GLYATL2: variants seen among roughly 807,000 people sequenced by gnomAD.
The protein encoded by GLYATL2 is glycine N-acyltransferase-like protein 2.
A neutral mutation model predicts 21.4 loss-of-function variants in GLYATL2; 25 were observed. That is an observed-to-expected ratio of 1.17 (90% confidence interval 0.85 to 1.63). GLYATL2 has a LOEUF of 1.63. GLYATL2 is among the 40% of genes most tolerant of loss of function. The pLI is 0.00. For missense variants in GLYATL2, 361 were observed against 343.3 expected, an observed-to-expected ratio of 1.05 and a Z score of -0.41; for synonymous variants, 114 against 118.2, an observed-to-expected ratio of 0.96 and a Z score of 0.23.
intron 1 of GLYATL2, among the ~76,000 whole-genome samples, chr11:58,887,954 G>T (rs896330062): frequency 6.6e-6 from 1 of 152,172 alleles, no homozygotes; most frequent in African/African-American, 2.4e-5. Context: ...CATTAGCAAT[G>T]TGTGGAAGAA....
At chr11:58,898,040 CTTA>C (rs1854664370) in intron 1 of GLYATL2, among the ~76,000 whole-genome samples, 1 of 152,186 alleles carries the variant, frequency 6.6e-6, no homozygotes, top group Non-Finnish European at 1.5e-5. Flanking sequence ...ATCAAGTTCT[CTTA>C]TTAACTTAAT....
At chr11:58,870,562 G>C (rs1309474759) in intron 1 of GLYATL2, among the ~76,000 whole-genome samples, 1 of 152,152 alleles carries the variant, frequency 6.6e-6, no homozygotes, top group East Asian at 1.9e-4. Context: ...ATCCAGAAAA[G>C]ACTGCCAAGA....
upstream of GLYATL2, chr11:58,907,674 T>A (rs1854935373): frequency 5.1e-6 from 1 of 196,888 alleles, no homozygotes; most frequent in Non-Finnish European, 1.1e-5. Flanking sequence ...TTTTAAATAC[T>A]TCCTGATTTT....
At chr11:58,869,527 G>A (rs1417236912) in intron 1 of GLYATL2, among the ~76,000 whole-genome samples, 1 of 152,174 alleles carries the variant, frequency 6.6e-6, no homozygotes, top group African/African-American at 2.4e-5. Flanking sequence ...CATGTTTTCA[G>A]ACTGGTGAGA....
At chr11:58,839,796 T>C (rs554473475) in intron 1 of GLYATL2, 144 bp from the exon 2 acceptor site, 4 of 452,394 alleles carry the variant, frequency 8.8e-6, no homozygotes, top group South Asian at 5.4e-5. Flanking sequence ...CTTTTCAGTT[T>C]ACAAATGAGA....
In GLYATL2 at chr11:58,837,372, T is replaced by C. The variant is rs1216752778; in HGVS notation, c.212A>G (p.Tyr71Cys). 3 of 1,613,182 alleles carry C rather than the reference T, an allele frequency of 1.9e-6. 1 individual carries two copies. In the South Asian group the frequency reaches 3.3e-5, roughly 18 times the overall value. Residue 71 changes from tyrosine (Y) to cysteine (C), a missense_variant, in exon 4 of 6, where the codon TAT (tyrosine) becomes TGT (cysteine). Transcript: ENST00000287275. ...GGTGAAGATGTGGTAAGTGTTGGTA[T>C]AATGATCCTGGTCATCTTTCATCTC... ...KQEMKDDQDHYTNTYHIFTKA... is the reference protein window; with the variant it reads ...KQEMKDDQDHCTNTYHIFTKA...
chr11:58,851,738 A>G (rs1411725482), intron 1 of GLYATL2, among the ~76,000 whole-genome samples: 1 of 152,172 alleles, frequency 6.6e-6, no homozygotes, highest in Non-Finnish European at 1.5e-5. Context: ...GGTGGGTGAC[A>G]TGTGGGAAAA....
upstream of GLYATL2, chr11:58,907,217 G>GTCTC: frequency 2.4e-6 from 1 of 408,652 alleles, no homozygotes; most frequent in East Asian, 7.8e-5. Flanking sequence ...TGAGTTTTCT[G>GTCTC]TCTCTCTCTC....
chr11:58,839,966 C>T (rs1318367246), intron 1 of GLYATL2, among the ~76,000 whole-genome samples: 1 of 152,074 alleles, frequency 6.6e-6, no homozygotes, highest in Admixed American at 6.6e-5. Context: ...TTCAGCTGTC[C>T]AGGCACAAAT....
At chr11:58,888,366 A>G (rs1854479643) in intron 1 of GLYATL2, among the ~76,000 whole-genome samples, 1 of 151,788 alleles carries the variant, frequency 6.6e-6, no homozygotes, top group East Asian at 1.9e-4. Flanking sequence ...TGTTTTTTTT[A>G]TTAATAATTA....
intron 1 of GLYATL2, among the ~76,000 whole-genome samples, chr11:58,880,723 T>G (rs764888827): frequency 2.6e-5 from 4 of 152,228 alleles, no homozygotes; most frequent in Non-Finnish European, 5.9e-5. Flanking sequence ...GATAGACTCA[T>G]GTCAGAGATC....
chr11:58,888,038 G>A (rs907036608), intron 1 of GLYATL2, among the ~76,000 whole-genome samples: 2 of 152,002 alleles, frequency 1.3e-5, no homozygotes, highest in South Asian at 2.1e-4. Context: ...GGTGAAAGAT[G>A]GCATCTTATT....
Position 58,837,351 on chromosome 11 carries a change from A to C in GLYATL2, c.233T>G (p.Phe78Cys). Residue 78 changes from phenylalanine (F) to cysteine (C), a missense_variant, in exon 4 of 6, where the codon TTC becomes TGC. By Grantham distance (205) the Phe-to-Cys change is radical (BLOSUM62 -2). Coordinates refer to ENST00000287275, the MANE Select transcript of GLYATL2 (RefSeq NM_145016.4). ...QDHYTNTYHI[F>C]TKAPDKLEEV... The stretch of plus-strand genomic sequence containing the variant: ...CTCTAATTTGTCAGGAGCTTTGGTG[A>C]AGATGTGGTAAGTGTTGGTATAATG... The C allele has an allele frequency of 6.2e-7, 1 of 1,613,682 alleles. No homozygotes were observed. The highest frequency in any genetic ancestry group is 8.5e-7 in the Non-Finnish European group (1 of 1,179,580).
chr11:58,870,077 T>C (rs1342022272), intron 1 of GLYATL2, among the ~76,000 whole-genome samples: 1 of 151,982 alleles, frequency 6.6e-6, no homozygotes, highest in Non-Finnish European at 1.5e-5. Context: ...CACTGCACTC[T>C]AGCCTGGGTG....
At chr11:58,886,797 A>G (rs539088143) in intron 1 of GLYATL2, among the ~76,000 whole-genome samples, 1 of 152,298 alleles carries the variant, frequency 6.6e-6, no homozygotes, top group Admixed American at 6.5e-5. Context: ...TCATGTGGGT[A>G]TAGACACTGA....
At chr11:58,909,597 T>G in the GLYATL2 span, among the ~76,000 whole-genome samples, 2 of 152,322 alleles carry the variant, frequency 1.3e-5, no homozygotes, top group Non-Finnish European at 1.5e-5. Flanking sequence ...GTATCAAGGA[T>G]GAAGGAATGG....
chr11:58,838,313 A>C lies in GLYATL2; in HGVS notation c.134T>G (p.Leu45Arg), dbSNP rs191830464. The C allele has an allele frequency of 3.1e-6, 5 of 1,613,566 alleles. No individual in the cohort carries two copies. In the Admixed American group the frequency reaches 8.3e-5, roughly 27 times the overall value. ...CTGGTAATCTGGCCAGGCATCTACCAGCACCTCCATGTTGAAAGGGTTTTT... is the reference window on the plus strand; with the variant it reads ...CTGGTAATCTGGCCAGGCATCTACCCGCACCTCCATGTTGAAAGGGTTTTT... ...KDKNPFNMEVLVDAWPDYQIV... is the reference protein window; with the variant it reads ...KDKNPFNMEVRVDAWPDYQIV... Residue 45 changes from leucine to arginine, a missense_variant, in exon 3 of 6, where the codon CTG (leucine) becomes CGG (arginine). By Grantham distance (102) the Leu-to-Arg change is moderately radical (BLOSUM62 -2). Transcript: ENST00000287275.
At chr11:58,900,342 G>A (rs73481060) in intron 1 of GLYATL2, among the ~76,000 whole-genome samples, 2,387 of 152,276 alleles carry the variant, frequency 0.016, 60 homozygotes, top group African/African-American at 0.055. Flanking sequence ...CTTAGTTGAG[G>A]TTTCCTAATC....
chr11:58,860,836 T>C (rs189783158), intron 1 of GLYATL2, among the ~76,000 whole-genome samples: 1 of 152,218 alleles, frequency 6.6e-6, no homozygotes, highest in East Asian at 1.9e-4. Flanking sequence ...TCAAATGCTT[T>C]TTCTGCATCT....
Sources: allele counts gnomAD v4.1 joint callset (sites outside exome capture counted in the v4.1 genomes callset), GRCh38; gene constraint gnomAD v4.1.1; transcripts MANE v1.5; gene names NCBI Gene and HGNC (gene_info 2026-07-23, HGNC 2026-07-21).